Variants in GRM8 observed in about 807,000 individuals in gnomAD.
GRM8 encodes the protein metabotropic glutamate receptor 8.
GRM8 carries 47 observed loss-of-function variants against 87.2 expected under a neutral mutation model. The observed-to-expected ratio is 0.54, with a 90% CI of 0.43 to 0.69. The LOEUF (loss-of-function observed/expected upper bound fraction) is 0.69, where lower values mean the gene tolerates loss of function less well. GRM8 is among the 30% of genes least tolerant of loss of function. The probability of loss-of-function intolerance (pLI) is 0.00; values close to 1 mark genes in which losing one functional copy is unlikely to be tolerated. For missense variants in GRM8, 1,019 were observed against 1,139.2 expected (o/e 0.89, Z 1.52); for synonymous variants, 396 against 404.5 (o/e 0.98, Z 0.25).
intron 9 of GRM8, among the ~76,000 whole-genome samples, chr7:126,461,072 G>A (rs2283061): frequency 0.56 from 85,164 of 150,988 alleles, 24,250 homozygotes; most frequent in Middle Eastern, 0.74. Flanking sequence ...GGGTTCAGAT[G>A]ACCTATTTTG....
At chr7:126,902,141 G>A (rs2131201053) in intron 6 of GRM8, among the ~76,000 whole-genome samples, 1 of 152,296 alleles carries the variant, frequency 6.6e-6, no homozygotes, top group Non-Finnish European at 1.5e-5. Context: ...ATAGAGGACA[G>A]CGATTAAAAT....
chr7:127,112,548 A>G (rs1414835211), intron 2 of GRM8, among the ~76,000 whole-genome samples: 1 of 152,136 alleles, frequency 6.6e-6, no homozygotes, highest in Non-Finnish European at 1.5e-5. Context: ...CCCTTTTGTT[A>G]TTTTCTTCCA....
intron 6 of GRM8, among the ~76,000 whole-genome samples, chr7:126,846,528 T>C (rs992484634): frequency 6.6e-6 from 1 of 152,244 alleles, no homozygotes; most frequent in African/African-American, 2.4e-5. Flanking sequence ...CAAAATTTTC[T>C]GTAATGAGTT....
chr7:126,945,868 T>C (rs1248301757), intron 3 of GRM8, among the ~76,000 whole-genome samples: 1 of 152,208 alleles, frequency 6.6e-6, no homozygotes, highest in Non-Finnish European at 1.5e-5. Context: ...CACAGAATTA[T>C]TAATAGTGTA....
chr7:127,059,783 C>T (rs562204556), intron 3 of GRM8, among the ~76,000 whole-genome samples: 40 of 152,102 alleles, frequency 2.6e-4, no homozygotes, highest in Non-Finnish European at 5.4e-4. Flanking sequence ...TCCATGAGAC[C>T]AAATATGTTC....
Position 126,673,065 on chromosome 7 carries a change from C to T in GRM8, c.1358-63567G>A, listed in dbSNP as rs961040469. Among the ~76,000 whole-genome samples, 73 of 152,110 alleles carry T rather than the reference C, an allele frequency of 4.8e-4. 1 individual carries two copies. Among genetic ancestry groups the T allele is most frequent in the South Asian group, 4.1e-4 (2 of 4,828 alleles). On this transcript the variant is annotated intron_variant, in intron 7 of 10. Transcript: ENST00000339582. The stretch of plus-strand genomic sequence containing the variant: ...GAAACTCCAAGCGGCCTGCCCACTG[C>T]GGTGGAGCCATGGAAGTTGGCACCC...
intron 8 of GRM8, among the ~76,000 whole-genome samples, chr7:126,585,536 C>A (rs1047590561): frequency 6.6e-6 from 1 of 152,244 alleles, no homozygotes; most frequent in South Asian, 2.1e-4. Context: ...GAACGCAAAT[C>A]AATAAACATA....
At chr7:127,104,310 T>C (rs903591593) in intron 3 of GRM8, among the ~76,000 whole-genome samples, 2 of 152,180 alleles carry the variant, frequency 1.3e-5, no homozygotes, top group African/African-American at 4.8e-5. Flanking sequence ...ACAGATGTCA[T>C]CAATGTTGTA....
At chr7:126,490,554 C>T (rs767329015) in intron 9 of GRM8, among the ~76,000 whole-genome samples, 10 of 151,970 alleles carry the variant, frequency 6.6e-5, no homozygotes, top group Non-Finnish European at 1.3e-4. Context: ...AATGGACAAA[C>T]GTTCTAGCCT....
At chr7:126,731,240 C>A (rs1797252038) in intron 7 of GRM8, among the ~76,000 whole-genome samples, 2 of 152,056 alleles carry the variant, frequency 1.3e-5, no homozygotes, top group Non-Finnish European at 2.9e-5. Flanking sequence ...CACTCTGATA[C>A]CCTGGCCACT....
At chr7:126,949,354 G>A (rs1807889684) in intron 3 of GRM8, among the ~76,000 whole-genome samples, 1 of 152,040 alleles carries the variant, frequency 6.6e-6, no homozygotes, top group Non-Finnish European at 1.5e-5. Context: ...GCATTTCTTA[G>A]ATTCTTATGA....
intron 7 of GRM8, among the ~76,000 whole-genome samples, chr7:126,645,101 A>G (rs1585346666): frequency 6.6e-6 from 1 of 152,216 alleles, no homozygotes; most frequent in African/African-American, 2.4e-5. Flanking sequence ...TCTCCCCTTA[A>G]AACTAACCCT....
chr7:126,476,100 C>T (rs1805874141), intron 9 of GRM8, among the ~76,000 whole-genome samples: 1 of 151,908 alleles, frequency 6.6e-6, no homozygotes, highest in Non-Finnish European at 1.5e-5. Context: ...TAAAAATAAA[C>T]AAACGGGACT....
At chr7:126,959,982 C>A (rs1809137156) in intron 3 of GRM8, among the ~76,000 whole-genome samples, 1 of 152,150 alleles carries the variant, frequency 6.6e-6, no homozygotes, top group African/African-American at 2.4e-5. Flanking sequence ...CAATGCCTAT[C>A]AAACTGTAAG....
At chr7:126,521,441 A>G (rs1812970623) in intron 9 of GRM8, among the ~76,000 whole-genome samples, 1 of 152,108 alleles carries the variant, frequency 6.6e-6, no homozygotes, top group African/African-American at 2.4e-5. Context: ...AAAAACCTAC[A>G]ATTAGTGTGG....
At chr7:126,629,303 G>A (rs764800033) in intron 7 of GRM8, among the ~76,000 whole-genome samples, 13 of 152,066 alleles carry the variant, frequency 8.5e-5, no homozygotes, top group African/African-American at 1.4e-4. Context: ...GATTAGAATC[G>A]CATTACATTT....
chr7:126,549,844 T>G (rs898833742), intron 8 of GRM8, among the ~76,000 whole-genome samples: 3 of 152,162 alleles, frequency 2.0e-5, no homozygotes, highest in African/African-American at 4.8e-5. Flanking sequence ...GAAATGACTG[T>G]GATTGCTGAA....
intron 7 of GRM8, among the ~76,000 whole-genome samples, chr7:126,623,628 G>T (rs1350477810): frequency 6.6e-6 from 1 of 152,136 alleles, no homozygotes; most frequent in Non-Finnish European, 1.5e-5. Flanking sequence ...TTTCTCATCT[G>T]GCCTCCTCTT....
intron 7 of GRM8, among the ~76,000 whole-genome samples, chr7:126,747,989 C>G (rs1815907752): frequency 6.6e-6 from 1 of 151,908 alleles, no homozygotes; most frequent in South Asian, 2.1e-4. Flanking sequence ...TATTATCACA[C>G]TATTCTACAA....
Sources: allele counts gnomAD v4.1 joint callset (sites outside exome capture counted in the v4.1 genomes callset), GRCh38; gene constraint gnomAD v4.1.1; transcripts MANE v1.5; gene names NCBI Gene and HGNC (gene_info 2026-07-23, HGNC 2026-07-21).